ZMYM6: variants seen among roughly 807,000 people sequenced by gnomAD.
The protein encoded by ZMYM6 is zinc finger MYM-type containing 6.
In ZMYM6, 90 loss-of-function variants were observed where a neutral mutation model predicts 134.0. The observed-to-expected ratio is 0.67, with a 90% CI of 0.57 to 0.80. The LOEUF (loss-of-function observed/expected upper bound fraction) is 0.80. Ranked by LOEUF, ZMYM6 falls within the 30% of genes least tolerant of loss-of-function variation. ZMYM6 has a pLI of 0.00. For missense variants in ZMYM6, 1,362 were observed against 1,533.9 expected (o/e 0.89, Z 1.87); for synonymous variants, 481 against 524.1 (o/e 0.92, Z 1.12).
chr1:34,992,156 TC>T, intron 15 of ZMYM6, 77 bp downstream of exon 15: 1 of 1,562,376 alleles, frequency 6.4e-7, no homozygotes, highest in East Asian at 2.3e-5. Context: ...TCAATTATTT[TC>T]TTTTCCTTTC....
chr1:35,015,743 A>AAAAATATATAT, intron 4 of ZMYM6, among the ~76,000 whole-genome samples: 43 of 106,440 alleles, frequency 4.0e-4, no homozygotes, highest in African/African-American at 2.5e-3. Context: ...AAAAAAAAAA[A>AAAAATATATAT]ATATATATAT....
chr1:35,030,548 T>A lies in ZMYM6; in HGVS notation c.92A>T (p.Gln31Leu), dbSNP rs201542673. ...TTTAAATGAAGATGAAATGCTTACT[T>A]GAGCATTGTCTGGTTCTTCTTTAAT... ...DKIKEEPDNA[Q>L]EYGCVQQPKT... is the part of the protein sequence containing the mutation. Residue 31 changes from glutamine to leucine, a missense_variant and splice_region_variant, in exon 2 of 16, where the codon CAA becomes CTA. Transcript: ENST00000357182. 6.2e-7 allele frequency: 1 copy of A among 1,605,808 alleles called. No homozygotes were observed.
chr1:35,024,813 C>A (rs1641377661), intron 2 of ZMYM6, among the ~76,000 whole-genome samples: 1 of 152,116 alleles, frequency 6.6e-6, no homozygotes, highest in Non-Finnish European at 1.5e-5. Flanking sequence ...GGGCTCCTTC[C>A]CCTATGCTCC....
At chr1:34,996,847 T>G (rs1264789048) in intron 14 of ZMYM6, among the ~76,000 whole-genome samples, 1 of 152,230 alleles carries the variant, frequency 6.6e-6, no homozygotes, top group Non-Finnish European at 1.5e-5. Context: ...TTTCAGACCC[T>G]GCCCATGTAG....
rs907319862 is a variant in ZMYM6, at chr1:35,008,674, C to T, written c.1665+78G>A. The T allele has an allele frequency of 3.3e-6, 5 of 1,495,780 alleles. No homozygotes were observed. In the South Asian group the frequency reaches 5.5e-5, roughly 16 times the overall value. The allele number at this position is 1,495,780 out of a possible 1,614,324, so 92.7% of individuals were successfully genotyped here. A position where few individuals can be genotyped will look rare whatever the true frequency, so the allele number is the denominator to read the frequency against. On this transcript the variant is annotated intron_variant, in intron 11 of 15. Coordinates refer to ENST00000357182, the MANE Select transcript of ZMYM6 (RefSeq NM_007167.4). ...GTGCTAAACACCAAATTTTTCTTCA[C>T]ATAATTTGAATACATTTTAAATAAA...
Position 34,988,189 on chromosome 1 carries a change from T to C in ZMYM6, c.2893A>G (p.Ile965Val), listed in dbSNP as rs1640606241. 6.5e-7 allele frequency: 1 copy of C among 1,548,722 alleles called. No individual in the cohort carries two copies. Among genetic ancestry groups the C allele is most frequent in the Non-Finnish European group, 8.7e-7 (1 of 1,145,626 alleles). The part of the protein sequence containing the change: ...FEIFELINKY[I>V]DSKSLNWKHC... The stretch of plus-strand genomic sequence containing the variant: ...TTCCAATTCAGAGATTTACTATCAA[T>C]ATATTTATTTATTAGTTCAAATATT... The change falls in exon 16 of 16, where the codon ATT becomes GTT. Residue 965 changes from isoleucine (I) to valine (V), a missense_variant. By Grantham distance (29) the Ile-to-Val change is conservative. Transcript: ENST00000357182.
chr1:34,987,426 A>C lies in ZMYM6; in HGVS notation c.3656T>G (p.Phe1219Cys). The change falls in exon 16 of 16, where the codon TTT becomes TGT. Residue 1219 changes from phenylalanine to cysteine, a missense_variant. This residue lies in a region of ZMYM6 where 824 missense variants were observed against 940.9 expected (regional missense o/e 0.88). Coordinates refer to ENST00000357182, the MANE Select transcript of ZMYM6 (RefSeq NM_007167.4). ...RSGNLWIIHPFMNHQNNNLTD... is the reference protein window; with the variant it reads ...RSGNLWIIHPCMNHQNNNLTD... ...GAGATTATTATTTTGGTGATTCATA[A>C]AAGGGTGAATTATCCACAAATTTCC... 1 of 1,614,060 alleles carries C rather than the reference A, an allele frequency of 6.2e-7. No homozygotes were observed. Among genetic ancestry groups the C allele is most frequent in the East Asian group, 2.2e-5 (1 of 44,872 alleles).
chr1:34,993,546 A>G lies in ZMYM6; in HGVS notation c.1993-1159T>C, dbSNP rs1478846170. On this transcript the variant is annotated intron_variant, in intron 14 of 15. Transcript: ENST00000357182. Reference sequence around the variant, plus strand: ...CTCCCTATTTTAAGGTTAGCTGATTAGGAACCCTAATGCCACTTGCTACCT... The same window carrying G: ...CTCCCTATTTTAAGGTTAGCTGATTGGGAACCCTAATGCCACTTGCTACCT... Among the ~76,000 whole-genome samples, 5 of 152,246 alleles carry G rather than the reference A, an allele frequency of 3.3e-5. No individual in the cohort carries two copies. The East Asian group carries it at 9.6e-4, about 29-fold the overall frequency.
At chr1:34,990,353 G>C in intron 15 of ZMYM6, 1 of 226,740 alleles carries the variant, frequency 4.4e-6, no homozygotes, top group African/African-American at 2.2e-5. Flanking sequence ...CATGGTGGCA[G>C]GTGCCTGTAA....
intron 3 of ZMYM6, among the ~76,000 whole-genome samples, chr1:35,019,803 G>T (rs1392596471): frequency 3.3e-5 from 5 of 152,032 alleles, no homozygotes; most frequent in Non-Finnish European, 7.4e-5. Flanking sequence ...CTCTTGAGTA[G>T]CTAGGACTAC....
At chr1:34,997,936 T>G (rs1453654954) in intron 14 of ZMYM6, among the ~76,000 whole-genome samples, 1 of 152,176 alleles carries the variant, frequency 6.6e-6, no homozygotes, top group Non-Finnish European at 1.5e-5. Context: ...TCCATATTTT[T>G]CCTACTGATC....
intron 14 of ZMYM6, among the ~76,000 whole-genome samples, chr1:35,000,369 A>T (rs1640859687): frequency 6.6e-6 from 1 of 151,984 alleles, no homozygotes; most frequent in Non-Finnish European, 1.5e-5. Flanking sequence ...CCTCCCAAGT[A>T]GCTGGGACTA....
In ZMYM6 at chr1:35,014,861, C is replaced by A; in HGVS notation, c.631G>T (p.Val211Leu). ...GCATCACTACAAAGACCATGTACCA[C>A]ATTTTGATATTTAACTTCAAATCGA... The part of the protein sequence containing the change: ...DTRFEVKYQN[V>L]VHGLCSDACF... Residue 211 changes from valine (V) to leucine (L), a missense_variant, in exon 6 of 16, where the codon GTG becomes TTG. Val to Leu is a conservative substitution (Grantham distance 32). This residue lies in a region of ZMYM6 where 503 missense variants were observed against 520.8 expected (regional missense o/e 0.97). Transcript: ENST00000357182. 1.2e-6 allele frequency: 2 copies of A among 1,614,114 alleles called. No individual in the cohort carries two copies. The highest frequency in any genetic ancestry group is 1.7e-6 in the Non-Finnish European group (2 of 1,180,026).
At chr1:35,027,174 A>C (rs1641429686) in intron 2 of ZMYM6, among the ~76,000 whole-genome samples, 1 of 152,248 alleles carries the variant, frequency 6.6e-6, no homozygotes, top group South Asian at 2.1e-4. Flanking sequence ...TTTAGAAGAT[A>C]GTTTTGAGTG....
intron 2 of ZMYM6, among the ~76,000 whole-genome samples, chr1:35,022,393 A>G (rs1354971815): frequency 2.6e-5 from 4 of 152,058 alleles, no homozygotes; most frequent in Admixed American, 6.5e-5. Context: ...CCTCCTGGGT[A>G]GCTGGGATTA....
At chr1:35,009,484 A>C (rs186823783) in intron 10 of ZMYM6, among the ~76,000 whole-genome samples, 191 of 152,328 alleles carry the variant, frequency 1.3e-3, no homozygotes, top group Non-Finnish European at 1.6e-3. Context: ...TTAAGCCAAG[A>C]AGCAGCAACT....
chr1:35,000,530 C>T (rs572563681), intron 14 of ZMYM6, among the ~76,000 whole-genome samples: 29 of 152,114 alleles, frequency 1.9e-4, no homozygotes, highest in Middle Eastern at 3.4e-3. Flanking sequence ...TGAGCCACCG[C>T]GCCTAACTGC....
chr1:35,030,594 G>A lies in ZMYM6; in HGVS notation c.46C>T (p.Gln16Ter), dbSNP rs761953223. The stretch of plus-strand genomic sequence containing the variant: ...TTAATTTTGTCCAGAAGCTCCTGCT[G>A]TGGTACCACTGCTTTGCCACATTCA... ...DGECGKAVVP[Q>*]QELLDKIKEE... Residue 16 changes from glutamine (Q) to a stop codon, truncating the protein, a stop_gained, in exon 2 of 16, where the codon CAG (glutamine) becomes TAG (stop). Transcript: ENST00000357182. LOFTEE classifies it high-confidence loss of function. The A allele has an allele frequency of 6.2e-7, 1 of 1,613,710 alleles. No homozygotes were observed. The highest frequency in any genetic ancestry group is 1.7e-5 in the Admixed American group (1 of 59,914).
In ZMYM6 at chr1:35,025,410, T is replaced by A. The variant is rs574194927; in HGVS notation, c.94-4943A>T. 6.3e-5 allele frequency among the ~76,000 whole-genome samples: 8 copies of A among 127,294 alleles called. No homozygotes were observed. The East Asian group carries it at 1.8e-3, about 28-fold the overall frequency. 83.5% of individuals were successfully genotyped at this position (127,294 alleles called of 152,430 possible). On this transcript the variant is annotated intron_variant, in intron 2 of 15. Transcript: ENST00000357182. ...TGAACCCAGGAGGTGGAGGTTGCAGTGAACCGAGATGGCGCCACTGCACTT... is the reference window on the plus strand; with the variant it reads ...TGAACCCAGGAGGTGGAGGTTGCAGAGAACCGAGATGGCGCCACTGCACTT...
Sources: allele counts gnomAD v4.1 joint callset (sites outside exome capture counted in the v4.1 genomes callset), GRCh38; gene constraint gnomAD v4.1.1; regional missense constraint gnomAD v4.1.1; transcripts MANE v1.5; gene names NCBI Gene and HGNC (gene_info 2026-07-23, HGNC 2026-07-21).